The following SLC2A13 variants were observed in gnomAD, a reference collection of about 807,000 sequenced individuals.
The protein encoded by SLC2A13 is solute carrier family 2 member 13, also known as proton myo-inositol cotransporter.
SLC2A13 carries 32 observed loss-of-function variants against 64.4 expected under a neutral mutation model. That is an observed-to-expected ratio of 0.50 (90% confidence interval 0.37 to 0.67). The LOEUF is 0.67. SLC2A13 is among the 30% of genes least tolerant of loss of function. The pLI, the probability that SLC2A13 is intolerant of heterozygous loss-of-function variation, is 0.00. For missense variants in SLC2A13, 743 were observed against 829.2 expected, an observed-to-expected ratio of 0.90 and a Z score of 1.28; for synonymous variants, 338 against 327.1, an observed-to-expected ratio of 1.03 and a Z score of -0.36.
intron 4 of SLC2A13, among the ~76,000 whole-genome samples, chr12:39,939,038 T>C (rs1343694620): frequency 6.6e-6 from 1 of 152,104 alleles, no homozygotes; most frequent in Non-Finnish European, 1.5e-5. Flanking sequence ...TGTGGATAAA[T>C]ACCCCTGGAC....
intron 1 of SLC2A13, among the ~76,000 whole-genome samples, chr12:40,091,325 G>C (rs1938760519): frequency 6.6e-6 from 1 of 152,128 alleles, no homozygotes; most frequent in Admixed American, 6.5e-5. Flanking sequence ...GTCAAAAATA[G>C]AGTATCCTCA....
At chr12:39,990,568 T>C (rs1001488405) in intron 3 of SLC2A13, among the ~76,000 whole-genome samples, 10 of 152,094 alleles carry the variant, frequency 6.6e-5, no homozygotes, top group African/African-American at 2.4e-4. Context: ...ATCTGGGGAA[T>C]GGGTGCTCTA....
In SLC2A13 at chr12:39,758,961, A is replaced by C. The variant is rs1251427840; in HGVS notation, c.*1065T>G. The C allele has an allele frequency of 6.6e-6, 1 of 152,386 alleles. No individual in the cohort carries two copies. Among genetic ancestry groups the C allele is most frequent in the Non-Finnish European group, 1.5e-5 (1 of 67,918 alleles). The allele number at this position is 152,386 out of a possible 1,614,324, so 9.4% of individuals were successfully genotyped here. Reference sequence around the variant, plus strand: ...GAAAAAAGTCCCATTATTTTTATTAAACAAACACCAATAACAGCAGGATTA... The same window carrying C: ...GAAAAAAGTCCCATTATTTTTATTACACAAACACCAATAACAGCAGGATTA... On this transcript the variant is annotated 3_prime_UTR_variant, in exon 10 of 10. Transcript: ENST00000280871.
Position 39,903,397 on chromosome 12 carries a change from C to T in SLC2A13, c.1035-31436G>A, listed in dbSNP as rs564472623. ...AAATTTATCAGGTAAACTAGTGATT[C>T]TTACTTGATAGGGGTAATGGGAGTA... On this transcript the variant is annotated intron_variant, in intron 4 of 9. Coordinates refer to ENST00000280871, the MANE Select transcript of SLC2A13 (RefSeq NM_052885.4). Among the ~76,000 whole-genome samples the T allele has an allele frequency of 9.9e-5, 15 of 152,184 alleles. No homozygotes were observed. In the South Asian group the frequency reaches 2.7e-3, roughly 27 times the overall value.
intron 7 of SLC2A13, among the ~76,000 whole-genome samples, chr12:39,771,657 G>A (rs1222789117): frequency 6.6e-6 from 1 of 152,120 alleles, no homozygotes; most frequent in Non-Finnish European, 1.5e-5. Context: ...TATTATTAAT[G>A]TGTGTTGCAG....
chr12:39,859,305 G>A (rs376757859), intron 6 of SLC2A13, among the ~76,000 whole-genome samples: 8 of 62,558 alleles, frequency 1.3e-4, no homozygotes, highest in African/African-American at 2.3e-4. Flanking sequence ...GAAAAAGAAA[G>A]AAAGCTGGCA....
chr12:40,089,535 G>C (rs1415123013), intron 1 of SLC2A13, among the ~76,000 whole-genome samples: 1 of 152,124 alleles, frequency 6.6e-6, no homozygotes, highest in Non-Finnish European at 1.5e-5. Flanking sequence ...AGCGGGACTA[G>C]AGAAGCCCTT....
At chr12:39,903,130 T>C (rs976030730) in intron 4 of SLC2A13, among the ~76,000 whole-genome samples, 1 of 152,176 alleles carries the variant, frequency 6.6e-6, no homozygotes, top group African/African-American at 2.4e-5. Context: ...GGCTGAAATC[T>C]AAATTGGTCT....
chr12:39,913,133 CAT>C lies in SLC2A13; in HGVS notation c.1034+38122_1034+38123del, dbSNP rs369091411. Among the ~76,000 whole-genome samples, 817 of 151,876 alleles carry C rather than the reference CAT, an allele frequency of 5.4e-3. 11 individuals are homozygous for C. The highest frequency in any genetic ancestry group is 0.019 in the African/African-American group (789 of 41,344). On this transcript the variant is annotated intron_variant, in intron 4 of 9. Transcript: ENST00000280871. ...TATTGTTACCTGAGTAAGCAAAAAA[CAT>C]ATAGAATGAAAACTCCAGATGATGC... is the stretch of plus-strand genomic sequence containing the variant.
intron 4 of SLC2A13, among the ~76,000 whole-genome samples, chr12:39,938,635 A>G (rs749389441): frequency 6.6e-6 from 1 of 152,052 alleles, no homozygotes; most frequent in Non-Finnish European, 1.5e-5. Flanking sequence ...GTTAGCATGA[A>G]TCTCCAATTT....
chr12:39,891,793 G>T (rs1043049849), intron 4 of SLC2A13, among the ~76,000 whole-genome samples: 1 of 152,110 alleles, frequency 6.6e-6, no homozygotes, highest in Non-Finnish European at 1.5e-5. Flanking sequence ...ATCTAAACAG[G>T]CTCAACATTT....
chr12:39,761,613 A>T (rs763966587), intron 9 of SLC2A13, among the ~76,000 whole-genome samples: 14 of 76,734 alleles, frequency 1.8e-4, no homozygotes, highest in South Asian at 5.8e-4. Context: ...TAGCTCTTGG[A>T]GAATGGGGGA....
intron 3 of SLC2A13, among the ~76,000 whole-genome samples, chr12:39,999,261 G>C (rs1947284694): frequency 6.6e-6 from 1 of 152,086 alleles, no homozygotes; most frequent in African/African-American, 2.4e-5. Flanking sequence ...CGATTTTAGG[G>C]AACAAGGGAA....
intron 3 of SLC2A13, among the ~76,000 whole-genome samples, chr12:39,969,403 T>C (rs539093849): frequency 1.1e-4 from 17 of 152,330 alleles, no homozygotes; most frequent in African/African-American, 4.1e-4. Flanking sequence ...TGAACTAGTT[T>C]ACGGTCCCAC....
At chr12:40,041,838 TA>T (rs888896868) in intron 2 of SLC2A13, among the ~76,000 whole-genome samples, 4 of 152,188 alleles carry the variant, frequency 2.6e-5, no homozygotes, top group Admixed American at 6.5e-5. Flanking sequence ...CACACTCTGC[TA>T]AAAAAATAAT....
intron 1 of SLC2A13, among the ~76,000 whole-genome samples, chr12:40,099,184 GA>G (rs1319501247): frequency 2.0e-5 from 3 of 152,192 alleles, no homozygotes; most frequent in Non-Finnish European, 2.9e-5. Context: ...TTACATGTGG[GA>G]AAAGTTTGAG....
intron 4 of SLC2A13, among the ~76,000 whole-genome samples, chr12:39,943,011 C>T (rs992206841): frequency 6.6e-6 from 1 of 152,168 alleles, no homozygotes; most frequent in Non-Finnish European, 1.5e-5. Flanking sequence ...AACAGTCAGG[C>T]CCCTCTCCTG....
chr12:39,999,876 C>T (rs1192627607), intron 3 of SLC2A13, among the ~76,000 whole-genome samples: 1 of 152,198 alleles, frequency 6.6e-6, no homozygotes, highest in Non-Finnish European at 1.5e-5. Context: ...CTTAATAAAA[C>T]TTGCTGGCTT....
chr12:40,004,320 G>A (rs982497492), intron 3 of SLC2A13, among the ~76,000 whole-genome samples: 3 of 152,014 alleles, frequency 2.0e-5, no homozygotes, highest in African/African-American at 4.8e-5. Context: ...AAGTAGCTGC[G>A]ATTACAGGAA....
Sources: gnomAD v4.1 joint callset for allele counts (sites outside exome capture counted in the v4.1 genomes callset) on GRCh38, gnomAD v4.1.1 for gene constraint, MANE v1.5 for transcripts, NCBI Gene and HGNC (gene_info 2026-07-23, HGNC 2026-07-21) for gene names.